MAPK10: variants seen among roughly 807,000 people sequenced by gnomAD.
MAPK10 encodes JNK3 alpha protein kinase.
Under a neutral mutation model 59.3 loss-of-function variants are expected in MAPK10, and 25 were observed. That is an observed-to-expected ratio of 0.42 (90% CI 0.31 to 0.59). MAPK10 has a LOEUF of 0.59. Ranked by LOEUF, MAPK10 falls within the 20% of genes least tolerant of loss-of-function variation. The pLI is 0.15. For missense variants in MAPK10, 351 were observed against 568.9 expected, an observed-to-expected ratio of 0.62 and a Z score of 3.90; for synonymous variants, 190 against 200.5, an observed-to-expected ratio of 0.95 and a Z score of 0.44.
At chr4:86,223,601 G>A (rs113095204) in intron 2 of MAPK10, among the ~76,000 whole-genome samples, 8,325 of 152,164 alleles carry the variant, frequency 0.055, 319 homozygotes, top group Non-Finnish European at 0.088. Context: ...AGACAAACCC[G>A]GAACCTCGGG....
At chr4:86,350,050 A>AT (rs1730376795) in intron 2 of MAPK10, among the ~76,000 whole-genome samples, 2 of 152,112 alleles carry the variant, frequency 1.3e-5, no homozygotes, top group South Asian at 2.1e-4. Flanking sequence ...ATGACATATC[A>AT]TTTTTTGTTT....
chr4:86,571,998 T>A (rs1375380430), intron 1 of MAPK10, among the ~76,000 whole-genome samples: 4 of 152,164 alleles, frequency 2.6e-5, no homozygotes, highest in Admixed American at 1.3e-4. Flanking sequence ...AGGCTGAATT[T>A]TGTCATTCGT....
intron 3 of MAPK10, among the ~76,000 whole-genome samples, chr4:86,188,892 C>CTTACTTAG (rs1402274136): frequency 6.6e-6 from 1 of 152,066 alleles, no homozygotes; most frequent in African/African-American, 2.4e-5. Context: ...TTAGGTCTTA[C>CTTACTTAG]GTTTAAGTCT....
At chr4:86,564,781 T>C (rs577807669) in intron 1 of MAPK10, among the ~76,000 whole-genome samples, 1 of 152,252 alleles carries the variant, frequency 6.6e-6, no homozygotes, top group African/African-American at 2.4e-5. Flanking sequence ...ATTTTCAGTA[T>C]AGCAAGATAG....
intron 1 of MAPK10, among the ~76,000 whole-genome samples, chr4:86,492,557 T>G (rs554478421): frequency 6.6e-6 from 1 of 152,332 alleles, no homozygotes; most frequent in South Asian, 2.1e-4. Context: ...AGTCACTTGA[T>G]TTCAGTAGGC....
At chr4:86,231,500 A>C (rs2091525692) in intron 2 of MAPK10, among the ~76,000 whole-genome samples, 1 of 151,792 alleles carries the variant, frequency 6.6e-6, no homozygotes, top group Admixed American at 6.6e-5. Context: ...CTAAAGAAAA[A>C]AAAAATACGA....
intron 2 of MAPK10, among the ~76,000 whole-genome samples, chr4:86,260,743 T>C (rs1451309680): frequency 6.6e-6 from 1 of 152,120 alleles, no homozygotes; most frequent in Non-Finnish European, 1.5e-5. Context: ...TTTAATACCA[T>C]TGAACAAAGA....
At chr4:86,290,166 G>A (rs1449346032) in intron 2 of MAPK10, among the ~76,000 whole-genome samples, 1 of 152,126 alleles carries the variant, frequency 6.6e-6, no homozygotes. Context: ...TGATGGCTGA[G>A]CTCTAGAATT....
chr4:86,544,062 T>C (rs1313421457), intron 1 of MAPK10, among the ~76,000 whole-genome samples: 1 of 152,178 alleles, frequency 6.6e-6, no homozygotes, highest in East Asian at 1.9e-4. Context: ...GTGTTGCTCA[T>C]GTGGAGGGAG....
chr4:86,228,447 A>G (rs976683896), intron 2 of MAPK10, among the ~76,000 whole-genome samples: 7 of 152,158 alleles, frequency 4.6e-5, no homozygotes, highest in African/African-American at 1.7e-4. Context: ...TTTCTCCTGC[A>G]GCTTCCTCTA....
intron 1 of MAPK10, among the ~76,000 whole-genome samples, chr4:86,513,516 A>T (rs968434365): frequency 6.6e-6 from 1 of 152,220 alleles, no homozygotes; most frequent in Non-Finnish European, 1.5e-5. Context: ...CTAATACTAC[A>T]TGCTGTACCT....
chr4:86,451,039 G>C (rs1016614057), intron 1 of MAPK10, among the ~76,000 whole-genome samples: 1 of 152,192 alleles, frequency 6.6e-6, no homozygotes, highest in Admixed American at 6.5e-5. Context: ...TTTGTGGAGT[G>C]TAGGCAAAGG....
chr4:86,495,878 G>A lies in MAPK10; in HGVS notation c.-263+98032C>T, dbSNP rs187029794. Among the ~76,000 whole-genome samples the A allele has an allele frequency of 2.8e-3, 419 of 151,918 alleles. 3 individuals are homozygous for A. The highest frequency in any genetic ancestry group is 9.1e-3 in the African/African-American group (377 of 41,402). On this transcript the variant is annotated intron_variant, in intron 1 of 4. Transcript: ENST00000502302. ...GCTAGCTAAATCTAGAGTCATCATC[G>A]GATCCAGGCTGAATTTTTTTGCATA...
intron 9 of MAPK10, among the ~76,000 whole-genome samples, chr4:86,092,299 A>AT (rs2053388424): frequency 6.6e-6 from 1 of 152,114 alleles, no homozygotes; most frequent in Non-Finnish European, 1.5e-5. Flanking sequence ...CCTAGAGAAT[A>AT]TTTATATCTA....
At chr4:86,423,760 GATATATATACATAT>G (rs148293309) in intron 1 of MAPK10, among the ~76,000 whole-genome samples, 36,438 of 117,054 alleles carry the variant, frequency 0.31, 5,949 homozygotes, top group Admixed American at 0.39. Flanking sequence ...TAATTAGTGG[GATATATATACATAT>G]ATATATATAT....
intron 1 of MAPK10, among the ~76,000 whole-genome samples, chr4:86,494,866 A>G (rs1754751579): frequency 1.3e-5 from 2 of 149,222 alleles, no homozygotes; most frequent in South Asian, 4.2e-4. Flanking sequence ...AAAAAAAAAA[A>G]AAAAAAAAAA....
chr4:86,485,128 CCT>C (rs1346741633), intron 1 of MAPK10, among the ~76,000 whole-genome samples: 2 of 152,094 alleles, frequency 1.3e-5, no homozygotes, highest in Non-Finnish European at 2.9e-5. Context: ...CCATAATTTC[CCT>C]GTTACCCCCA....
At chr4:86,222,857 T>C (rs945235771) in intron 2 of MAPK10, among the ~76,000 whole-genome samples, 6 of 152,228 alleles carry the variant, frequency 3.9e-5, no homozygotes, top group African/African-American at 1.4e-4. Context: ...ATCATGCTGA[T>C]GACATCTTCC....
chr4:86,415,149 A>C (rs1289101674), intron 1 of MAPK10, among the ~76,000 whole-genome samples: 1 of 151,700 alleles, frequency 6.6e-6, no homozygotes, highest in African/African-American at 2.4e-5. Flanking sequence ...AAAAAAAAAA[A>C]AAAAAAACTT....
Sources: allele counts gnomAD v4.1 joint callset (sites outside exome capture counted in the v4.1 genomes callset), GRCh38; gene constraint gnomAD v4.1.1; transcripts MANE v1.5; gene names NCBI Gene and HGNC (gene_info 2026-07-23, HGNC 2026-07-21).